The following ADAM7 variants were observed in gnomAD, a reference collection of about 807,000 sequenced individuals.
The protein encoded by ADAM7 is ADAM metallopeptidase domain 7.
ADAM7 carries 97 observed loss-of-function variants against 102.9 expected under a neutral mutation model. That is an observed-to-expected ratio of 0.94 (90% confidence interval 0.80 to 1.12). ADAM7 has a LOEUF of 1.12. Ranked by LOEUF, ADAM7 falls within the 50% of genes most tolerant of loss-of-function variation. The probability of loss-of-function intolerance (pLI) is 0.00; values close to 1 mark genes in which losing one functional copy is unlikely to be tolerated. For synonymous variants in ADAM7, 334 were observed against 304.4 expected, an observed-to-expected ratio of 1.10 and a Z score of -1.01; for missense variants, 991 against 908.7, an observed-to-expected ratio of 1.09 and a Z score of -1.16.
At chr8:24,506,121 C>A (rs1187229542) in intron 20 of ADAM7, 5 of 1,549,946 alleles carry the variant, frequency 3.2e-6, no homozygotes, top group Non-Finnish European at 4.4e-6. Flanking sequence ...GGAAAGCCTG[C>A]CCACTAGTTT....
chr8:24,441,261 T>G, intron 1 of ADAM7, 101 bp downstream of exon 1: 1 of 1,211,692 alleles, frequency 8.3e-7, no homozygotes, highest in Non-Finnish European at 1.2e-6. Flanking sequence ...CATTAAACGT[T>G]GATGATTTTT....
intron 21 of ADAM7, among the ~76,000 whole-genome samples, chr8:24,508,255 A>T (rs1465863587): frequency 1.3e-5 from 2 of 152,166 alleles, no homozygotes; most frequent in Non-Finnish European, 2.9e-5. Flanking sequence ...CTCCACAATG[A>T]CAAACCTGTC....
chr8:24,456,483 A>G (rs539972698), intron 3 of ADAM7, among the ~76,000 whole-genome samples: 1 of 152,316 alleles, frequency 6.6e-6, no homozygotes, highest in East Asian at 1.9e-4. Context: ...TCTTTTACGT[A>G]AACACCCACA....
rs146644811 is a variant in ADAM7, at chr8:24,487,884, G to A, written c.1091+567G>A. ...TGCAAAAGTACACCATGAACAATTAGTACCAATTGCTACCAAGGCAATTAG... is the reference window on the plus strand; with the variant it reads ...TGCAAAAGTACACCATGAACAATTAATACCAATTGCTACCAAGGCAATTAG... On this transcript the variant is annotated intron_variant, in intron 11 of 21. Coordinates refer to ENST00000175238, the MANE Select transcript of ADAM7 (RefSeq NM_003817.4). 1.2e-4 allele frequency among the ~76,000 whole-genome samples: 18 copies of A among 152,132 alleles called. No homozygotes were observed. The East Asian group carries it at 3.5e-3, about 30-fold the overall frequency.
intron 3 of ADAM7, among the ~76,000 whole-genome samples, chr8:24,459,337 ATAAT>A (rs897030553): frequency 1.5e-4 from 23 of 152,116 alleles, no homozygotes; most frequent in African/African-American, 5.1e-4. Context: ...TAAAAATGTA[ATAAT>A]TTATTTAGTG....
intron 3 of ADAM7, among the ~76,000 whole-genome samples, chr8:24,457,854 ATGTGTGTGAGTGTG>A (rs1390629248): frequency 3.5e-5 from 4 of 115,076 alleles, no homozygotes; most frequent in Non-Finnish European, 7.2e-5. Flanking sequence ...GTATGTGCAT[ATGTGTGTGAGTGTG>A]TGTGTGTGTG....
At chr8:24,445,175 G>GAC (rs1818509564) in intron 2 of ADAM7, among the ~76,000 whole-genome samples, 1 of 151,780 alleles carries the variant, frequency 6.6e-6, no homozygotes, top group East Asian at 1.9e-4. Context: ...CATACATGCA[G>GAC]ACACACACAC....
In ADAM7 at chr8:24,493,233, A is replaced by G. The variant is rs1228957214; in HGVS notation, c.1842+4A>G. 6.3e-7 allele frequency: 1 copy of G among 1,587,016 alleles called. No homozygotes were observed. Among genetic ancestry groups the G allele is most frequent in the Non-Finnish European group, 8.5e-7 (1 of 1,170,288 alleles). On this transcript the variant is annotated splice_donor_region_variant and intron_variant, in intron 16 of 21. Transcript: ENST00000175238. ...AACAAAATGTGGAGAGGGAATGGTA[A>G]GACAAAAGCCCTTTGTTTTATTAAA...
chr8:24,500,123 G>T, intron 17 of ADAM7, 55 bp from the exon 18 acceptor site: 1 of 1,499,122 alleles, frequency 6.7e-7, no homozygotes, highest in Non-Finnish European at 9.1e-7. Flanking sequence ...TAAGTGAGTT[G>T]CAGAACACAA....
chr8:24,463,802 C>A, intron 3 of ADAM7, 80 bp from the exon 4 acceptor site: 3 of 1,222,156 alleles, frequency 2.5e-6, no homozygotes, highest in Non-Finnish European at 3.5e-6. Context: ...AAACTGGACA[C>A]TTCTCCATCA....
chr8:24,460,763 GTGTGTA>G lies in ADAM7; in HGVS notation c.234-3117_234-3112del, dbSNP rs1243518452. On this transcript the variant is annotated intron_variant, in intron 3 of 21. Coordinates refer to ENST00000175238, the MANE Select transcript of ADAM7 (RefSeq NM_003817.4). ...TATATATGTATGTATGTGTGTGTGT[GTGTGTA>G]TATATATATATATATATCCCATGAT... Among the ~76,000 whole-genome samples, 197 of 133,398 alleles carry G rather than the reference GTGTGTA, an allele frequency of 1.5e-3. 1 individual carries two copies. Among genetic ancestry groups the G allele is most frequent in the African/African-American group, 6.5e-3 (188 of 28,760 alleles). 87.5% of individuals were successfully genotyped at this position (133,398 alleles called of 152,430 possible). A position where few individuals can be genotyped will look rare whatever the true frequency, so the allele number is the denominator to read the frequency against.
At chr8:24,471,306 A>G (rs570121283) in intron 7 of ADAM7, among the ~76,000 whole-genome samples, 1 of 152,184 alleles carries the variant, frequency 6.6e-6, no homozygotes, top group Non-Finnish European at 1.5e-5. Context: ...TTGTGTAAAT[A>G]TAGTGTAGCC....
intron 16 of ADAM7, among the ~76,000 whole-genome samples, chr8:24,498,061 A>T (rs1286356902): frequency 6.6e-6 from 1 of 152,030 alleles, no homozygotes; most frequent in Non-Finnish European, 1.5e-5. Flanking sequence ...GAAAAGAAAA[A>T]TAGTCAAGAA....
At chr8:24,479,598 G>C (rs1467303718) in intron 8 of ADAM7, among the ~76,000 whole-genome samples, 1 of 152,094 alleles carries the variant, frequency 6.6e-6, no homozygotes, top group African/African-American at 2.4e-5. Flanking sequence ...CACTGTGGTT[G>C]TTGGCGTCCA....
At chr8:24,472,266 T>C (rs1392019893) in intron 7 of ADAM7, among the ~76,000 whole-genome samples, 2 of 151,862 alleles carry the variant, frequency 1.3e-5, no homozygotes, top group Non-Finnish European at 2.9e-5. Flanking sequence ...TTTAACCAAC[T>C]GATATACTAC....
At chr8:24,468,035 G>C (rs1377869861) in intron 6 of ADAM7, among the ~76,000 whole-genome samples, 1 of 151,930 alleles carries the variant, frequency 6.6e-6, no homozygotes, top group African/African-American at 2.4e-5. Context: ...CACTGCACTC[G>C]ACTCTGGGCG....
intron 3 of ADAM7, among the ~76,000 whole-genome samples, chr8:24,457,085 C>A (rs1264716958): frequency 6.6e-6 from 1 of 152,154 alleles, no homozygotes; most frequent in African/African-American, 2.4e-5. Flanking sequence ...TATGAGAATA[C>A]TACCTGCTGT....
Position 24,487,307 on chromosome 8 carries a change from A to C in ADAM7, c.1081A>C (p.Ser361Arg). ...TCPSGKCVMD[S>R]DGSIPALKFS... is the part of the protein sequence containing the mutation. Reference sequence around the variant, plus strand: ...TCCTTCAGGAAAATGCGTGATGGACAGTGATGGAAGGTGAGATTCGAACAA... The same window carrying C: ...TCCTTCAGGAAAATGCGTGATGGACCGTGATGGAAGGTGAGATTCGAACAA... The change falls in exon 11 of 22, where the codon AGT becomes CGT. Residue 361 changes from serine (S) to arginine (R), a missense_variant. Coordinates refer to ENST00000175238, the MANE Select transcript of ADAM7 (RefSeq NM_003817.4). The C allele has an allele frequency of 6.2e-7, 1 of 1,613,700 alleles. No homozygotes were observed. The highest frequency in any genetic ancestry group is 8.5e-7 in the Non-Finnish European group (1 of 1,179,742).
intron 7 of ADAM7, among the ~76,000 whole-genome samples, chr8:24,472,038 G>C (rs1189094533): frequency 6.9e-6 from 1 of 145,208 alleles, no homozygotes; most frequent in African/African-American, 2.5e-5. Context: ...AGTTATTTGA[G>C]ATAAATTGGG....
Sources: allele counts gnomAD v4.1 joint callset (sites outside exome capture counted in the v4.1 genomes callset), GRCh38; gene constraint gnomAD v4.1.1; transcripts MANE v1.5; gene names NCBI Gene and HGNC (gene_info 2026-07-23, HGNC 2026-07-21).